TMEM132C: variants seen among roughly 807,000 people sequenced by gnomAD.
TMEM132C encodes the protein protein phosphatase 1, regulatory subunit 152.
In TMEM132C, 29 loss-of-function variants were observed where a neutral mutation model predicts 61.4. That is an observed-to-expected ratio of 0.47 (90% confidence interval 0.35 to 0.64). TMEM132C has a LOEUF of 0.64. TMEM132C is among the 30% of genes least tolerant of loss of function. The pLI is 0.00. For missense variants in TMEM132C, 1,408 were observed against 1,476.9 expected, an observed-to-expected ratio of 0.95 and a Z score of 0.76; for synonymous variants, 656 against 633.1, an observed-to-expected ratio of 1.04 and a Z score of -0.54.
chr12:128,405,189 A>G (rs748899322), intron 1 of TMEM132C, among the ~76,000 whole-genome samples: 2 of 152,188 alleles, frequency 1.3e-5, no homozygotes, highest in African/African-American at 2.4e-5. Context: ...TCGCAATGCC[A>G]TGGCAGCCCT....
chr12:128,553,179 ATGT>A (rs1038761389), intron 3 of TMEM132C, among the ~76,000 whole-genome samples: 22 of 152,230 alleles, frequency 1.4e-4, no homozygotes, highest in African/African-American at 4.6e-4. Flanking sequence ...CAATCTCATA[ATGT>A]TGTAAGAAAG....
At chr12:128,597,435 G>A (rs1432066820) in intron 3 of TMEM132C, among the ~76,000 whole-genome samples, 1 of 151,946 alleles carries the variant, frequency 6.6e-6, no homozygotes, top group Non-Finnish European at 1.5e-5. Flanking sequence ...CTGAGATAGT[G>A]CCACTGTACT....
intron 2 of TMEM132C, among the ~76,000 whole-genome samples, chr12:128,536,540 G>GAGAA (rs1565966350): frequency 7.0e-6 from 1 of 143,726 alleles, no homozygotes; most frequent in Non-Finnish European, 1.5e-5. Context: ...GAAAAAAAAA[G>GAGAA]AGAAGGTGGC....
chr12:128,544,242 G>T, intron 3 of TMEM132C, 139 bp downstream of exon 3: 1 of 1,260,040 alleles, frequency 7.9e-7, no homozygotes, highest in African/African-American at 1.5e-5. Context: ...AAATCTGGAG[G>T]CATTGATATC....
intron 1 of TMEM132C, among the ~76,000 whole-genome samples, chr12:128,346,618 T>A (rs1394443533): frequency 6.6e-6 from 1 of 152,220 alleles, no homozygotes; most frequent in Non-Finnish European, 1.5e-5. Flanking sequence ...ATCCTTCATA[T>A]CCCTAGTTAC....
At chr12:128,653,453 A>T (rs1199144340) in intron 4 of TMEM132C, among the ~76,000 whole-genome samples, 1 of 152,230 alleles carries the variant, frequency 6.6e-6, no homozygotes, top group Admixed American at 6.5e-5. Flanking sequence ...TATTTAGTGT[A>T]TGCATTTGCA....
rs79853638 is a variant in TMEM132C, at chr12:128,294,619, G to T, written c.85+27132G>T. Among the ~76,000 whole-genome samples the T allele has an allele frequency of 3.3e-5, 5 of 152,000 alleles. No individual in the cohort carries two copies. In the South Asian group the frequency reaches 8.3e-4, roughly 25 times the overall value. On this transcript the variant is annotated intron_variant, in intron 1 of 8. Coordinates refer to ENST00000435159, the MANE Select transcript of TMEM132C (RefSeq NM_001136103.3). ...GTTTCTTGCAGTTCCAGAGCCCAGA[G>T]ATCCAAGATCAGGACACCAGCAGAT...
intron 1 of TMEM132C, among the ~76,000 whole-genome samples, chr12:128,359,511 T>C (rs1462804916): frequency 6.6e-6 from 1 of 152,200 alleles, no homozygotes; most frequent in Non-Finnish European, 1.5e-5. Context: ...CCAAACCATG[T>C]CATTTGCCTT....
chr12:128,584,725 CCA>C (rs1337420577), intron 3 of TMEM132C, among the ~76,000 whole-genome samples: 1 of 152,218 alleles, frequency 6.6e-6, no homozygotes, highest in Non-Finnish European at 1.5e-5. Flanking sequence ...TCCAGAAAGT[CCA>C]CATGGCCCCA....
At chr12:128,689,060 C>T (rs951573569) in intron 5 of TMEM132C, among the ~76,000 whole-genome samples, 1 of 151,956 alleles carries the variant, frequency 6.6e-6, no homozygotes, top group African/African-American at 2.4e-5. Flanking sequence ...TCAAGTGATC[C>T]GCCCGCCTCA....
At chr12:128,294,623 C>T (rs1261055302) in intron 1 of TMEM132C, among the ~76,000 whole-genome samples, 1 of 152,164 alleles carries the variant, frequency 6.6e-6, no homozygotes, top group Non-Finnish European at 1.5e-5. Context: ...CCCAGAGATC[C>T]AAGATCAGGA....
intron 2 of TMEM132C, among the ~76,000 whole-genome samples, chr12:128,481,405 C>T (rs1022421340): frequency 6.6e-6 from 1 of 152,166 alleles, no homozygotes. Flanking sequence ...TTTGGGGCCA[C>T]GGCTCTTCAC....
chr12:128,675,876 G>T (rs1041795778), intron 5 of TMEM132C, among the ~76,000 whole-genome samples: 4 of 98,958 alleles, frequency 4.0e-5, no homozygotes, highest in African/African-American at 1.8e-4. Context: ...TAGATAGATA[G>T]ATAGATAAAT....
intron 4 of TMEM132C, among the ~76,000 whole-genome samples, chr12:128,622,299 G>A (rs575840123): frequency 9.8e-5 from 13 of 132,074 alleles, no homozygotes; most frequent in Admixed American, 3.7e-4. Flanking sequence ...AGCCAAGATG[G>A]TACCACTGCA....
chr12:128,567,192 C>T (rs924854160), intron 3 of TMEM132C, among the ~76,000 whole-genome samples: 6 of 152,148 alleles, frequency 3.9e-5, no homozygotes, highest in African/African-American at 1.4e-4. Context: ...ATGTCTCCTT[C>T]AAGGAGTGTT....
intron 3 of TMEM132C, among the ~76,000 whole-genome samples, chr12:128,597,705 G>A (rs781222437): frequency 9.9e-5 from 15 of 152,204 alleles, no homozygotes; most frequent in Admixed American, 3.3e-4. Flanking sequence ...TACCAGAGAA[G>A]ATAGAAAATG....
intron 2 of TMEM132C, among the ~76,000 whole-genome samples, chr12:128,427,430 A>G (rs11059686): frequency 0.01 from 889 of 84,976 alleles, 11 homozygotes; most frequent in East Asian, 0.057. Flanking sequence ...GTGTGTGTGT[A>G]TATATATTTA....
In TMEM132C at chr12:128,482,208, A is replaced by G. The variant is rs139026205; in HGVS notation, c.975-61749A>G. Among the ~76,000 whole-genome samples the G allele has an allele frequency of 5.0e-3, 762 of 152,194 alleles. 4 individuals are homozygous for G. Among genetic ancestry groups the G allele is most frequent in the African/African-American group, 0.017 (718 of 41,504 alleles). On this transcript the variant is annotated intron_variant, in intron 2 of 8. Coordinates refer to ENST00000435159, the MANE Select transcript of TMEM132C (RefSeq NM_001136103.3). ...TGATGGATTACGTTTATTGATTTGCATATGTTGAACCAGCCTTGCATCCCA... is the reference window on the plus strand; with the variant it reads ...TGATGGATTACGTTTATTGATTTGCGTATGTTGAACCAGCCTTGCATCCCA...
intron 5 of TMEM132C, among the ~76,000 whole-genome samples, chr12:128,674,283 AGTAGTTTGTTTCTTTTATTGCG>A (rs1954562764): frequency 6.6e-6 from 1 of 152,228 alleles, no homozygotes; most frequent in Non-Finnish European, 1.5e-5. Context: ...AGCATGGGGC[AGTAGTTTGTTTCTTTTATTGCG>A]GAATAGTATT....
Sources: allele counts gnomAD v4.1 joint callset (sites outside exome capture counted in the v4.1 genomes callset), GRCh38; gene constraint gnomAD v4.1.1; transcripts MANE v1.5; gene names NCBI Gene and HGNC (gene_info 2026-07-23, HGNC 2026-07-21).